SCUBE2: variants seen among roughly 807,000 people sequenced by gnomAD.
SCUBE2 encodes signal peptide, CUB domain and EGF like domain containing 2, also known as signal peptide, CUB and EGF-like domain-containing protein 2.
In SCUBE2, 114 loss-of-function variants were observed where a neutral mutation model predicts 125.9. That is an observed-to-expected ratio of 0.91 (90% confidence interval 0.78 to 1.06). SCUBE2 has a LOEUF of 1.06. Among genes scored for constraint, SCUBE2 ranks in the 50% least tolerant of loss-of-function variants. The pLI, the probability that SCUBE2 is intolerant of heterozygous loss-of-function variation, is 0.00. For missense variants in SCUBE2, 1,255 were observed against 1,301.8 expected, an observed-to-expected ratio of 0.96 and a Z score of 0.55; for synonymous variants, 459 against 492.9, an observed-to-expected ratio of 0.93 and a Z score of 0.91.
chr11:9,046,978 C>T (rs1857845601), intron 16 of SCUBE2, among the ~76,000 whole-genome samples: 1 of 152,214 alleles, frequency 6.6e-6, no homozygotes, highest in Non-Finnish European at 1.5e-5. Context: ...AGGAAAAGGA[C>T]ATCAGTTTAT....
chr11:9,035,971 C>T (rs990390877), intron 16 of SCUBE2, among the ~76,000 whole-genome samples: 1 of 152,188 alleles, frequency 6.6e-6, no homozygotes, highest in African/African-American at 2.4e-5. Flanking sequence ...TCATCGCAAC[C>T]TCCGCCTCCT....
intron 16 of SCUBE2, among the ~76,000 whole-genome samples, chr11:9,040,130 G>A (rs551227576): frequency 2.6e-5 from 4 of 152,292 alleles, no homozygotes; most frequent in East Asian, 1.9e-4. Context: ...ACAGTGGAGC[G>A]GAGGTTTCCC....
Position 9,055,877 on chromosome 11 carries a change from C to T in SCUBE2, c.1123G>A (p.Asp375Asn). 1 of 1,614,124 alleles carries T rather than the reference C, an allele frequency of 6.2e-7. No individual in the cohort carries two copies. Among genetic ancestry groups the T allele is most frequent in the Non-Finnish European group, 8.5e-7 (1 of 1,180,028 alleles). The change falls in exon 10 of 23, where the codon GAC becomes AAC. Residue 375 changes from aspartate (D) to asparagine (N), a missense_variant. Transcript: ENST00000649792. ...CCAGGGTGGTTGATGCAGCTGTGGT[C>T]ACAGGTCCTATCCAAAGAGCACTCA... ...VDECSLDRTC[D>N]HSCINHPGTF... is the part of the protein sequence containing the mutation.
intron 5 of SCUBE2, among the ~76,000 whole-genome samples, chr11:9,069,168 T>A (rs1022704809): frequency 2.6e-5 from 4 of 152,232 alleles, no homozygotes; most frequent in African/African-American, 9.6e-5. Flanking sequence ...GATGAGTTCC[T>A]TTTTAAAATA....
At chr11:9,032,549 C>T (rs1217311768) in intron 17 of SCUBE2, among the ~76,000 whole-genome samples, 1 of 152,192 alleles carries the variant, frequency 6.6e-6, no homozygotes, top group Admixed American at 6.5e-5. Context: ...GCCTGGCCAA[C>T]ATAGCGAAAC....
At chr11:9,029,853 G>A (rs1590002409) in intron 19 of SCUBE2, 31 bp downstream of exon 19, 1 of 1,613,496 alleles carries the variant, frequency 6.2e-7, no homozygotes, top group South Asian at 1.1e-5. Flanking sequence ...TTCTTAGCCA[G>A]AACTATGAAA....
At chr11:9,059,005 AC>A (rs1564827476) in intron 9 of SCUBE2, among the ~76,000 whole-genome samples, 1 of 152,142 alleles carries the variant, frequency 6.6e-6, no homozygotes, top group Non-Finnish European at 1.5e-5. Context: ...CCCCACTGGA[AC>A]CCCATTTGCA....
At chr11:9,090,489 A>ATTTTTTTTT (rs138136231) in intron 1 of SCUBE2, 117 of 141,950 alleles carry the variant, frequency 8.2e-4, no homozygotes, top group African/African-American at 2.7e-3. Context: ...TTATTTATTT[A>ATTTTTTTTT]TTTTTTTTTT....
chr11:9,020,212 C>G lies in SCUBE2; in HGVS notation c.*833G>C, dbSNP rs1855192320. On this transcript the variant is annotated 3_prime_UTR_variant, in exon 23 of 23. Transcript: ENST00000649792. ...GGTTGGTGAAATCGCCTTTTCATGA[C>G]AATTGATGATTCTCATCCACTGAGG... Among the ~76,000 whole-genome samples, 1 of 152,144 alleles carries G rather than the reference C, an allele frequency of 6.6e-6. No homozygotes were observed. Among genetic ancestry groups the G allele is most frequent in the Non-Finnish European group, 1.5e-5 (1 of 68,026 alleles).
Position 9,030,871 on chromosome 11 carries a change from C to T in SCUBE2, c.2228G>A (p.Cys743Tyr), listed in dbSNP as rs1856242803. The T allele has an allele frequency of 6.2e-7, 1 of 1,614,200 alleles. No individual in the cohort carries two copies. The highest frequency in any genetic ancestry group is 8.5e-7 in the Non-Finnish European group (1 of 1,180,024). ...SADGFAPCQL[C>Y]ALGTFQPEAG... ...TTCAGGCTGGAACGTGCCCAGGGCACAGAGCTGGCAAGGTGCAAAGCCATC... is the reference window on the plus strand; with the variant it reads ...TTCAGGCTGGAACGTGCCCAGGGCATAGAGCTGGCAAGGTGCAAAGCCATC... Residue 743 changes from cysteine (C) to tyrosine (Y), a missense_variant, in exon 18 of 23, where the codon TGT (cysteine) becomes TAT (tyrosine). By Grantham distance (194) the Cys-to-Tyr change is radical (BLOSUM62 -2). This residue lies in a region of SCUBE2 where 515 missense variants were observed against 515.7 expected (regional missense o/e 1.00). Transcript: ENST00000649792.
At chr11:9,060,582 C>G in intron 7 of SCUBE2, 58 bp from the exon 8 acceptor site, 1 of 1,448,004 alleles carries the variant, frequency 6.9e-7, no homozygotes, top group Non-Finnish European at 9.6e-7. Flanking sequence ...ATACAGCTGA[C>G]GAAGGTCACA....
At chr11:9,051,338 C>T (rs1454816117) in intron 13 of SCUBE2, among the ~76,000 whole-genome samples, 1 of 152,034 alleles carries the variant, frequency 6.6e-6, no homozygotes, top group Non-Finnish European at 1.5e-5. Context: ...TTTGTGCCTT[C>T]CTGAGAAAAA....
At chr11:9,031,114 G>C in intron 17 of SCUBE2, 189 bp from the exon 18 acceptor site, 1 of 573,686 alleles carries the variant, frequency 1.7e-6, no homozygotes, top group Non-Finnish European at 3.1e-6. Context: ...AGTGCCTGCT[G>C]TTTACACACA....
intron 21 of SCUBE2, among the ~76,000 whole-genome samples, chr11:9,025,026 G>A (rs1354491888): frequency 6.6e-6 from 1 of 152,216 alleles, no homozygotes; most frequent in Non-Finnish European, 1.5e-5. Flanking sequence ...ACAGGACTGT[G>A]TAGTCCTCCA....
chr11:9,070,597 G>C (rs576032331), intron 4 of SCUBE2, among the ~76,000 whole-genome samples: 4 of 152,260 alleles, frequency 2.6e-5, no homozygotes, highest in Admixed American at 2.0e-4. Context: ...TCTAATACTA[G>C]TAGGGCACTG....
At chr11:9,025,084 C>G (rs1855609809) in intron 21 of SCUBE2, among the ~76,000 whole-genome samples, 1 of 152,178 alleles carries the variant, frequency 6.6e-6, no homozygotes, top group Non-Finnish European at 1.5e-5. Context: ...GTTTTCCAAC[C>G]AAGTCTCAGA....
At chr11:9,084,983 G>T (rs1861937900) in intron 2 of SCUBE2, among the ~76,000 whole-genome samples, 1 of 152,164 alleles carries the variant, frequency 6.6e-6, no homozygotes, top group Admixed American at 6.5e-5. Flanking sequence ...CTGGCCTCAT[G>T]TAAGCCTCCC....
rs1267756120 is a variant in SCUBE2 at position 9,079,445 on chromosome 11, G to A, written c.321C>T (p.Gly107=). ...CATCAAAACAAGTGCAACGATAATTGCCTGGAATATTCAAACAGTCATGGA... is the reference window on the plus strand; with the variant it reads ...CATCAAAACAAGTGCAACGATAATTACCTGGAATATTCAAACAGTCATGGA... ...GCVHDCLNIP[G]NYRCTCFDGF... The change falls in exon 3 of 23, where the codon GGC becomes GGT. Residue 107 remains glycine, a synonymous_variant. Transcript: ENST00000649792. The A allele has an allele frequency of 1.9e-6, 3 of 1,613,948 alleles. No homozygotes were observed. Among genetic ancestry groups the A allele is most frequent in the Non-Finnish European group, 2.5e-6 (3 of 1,179,976 alleles).
chr11:9,069,353 C>T lies in SCUBE2; in HGVS notation c.643+17G>A. ...TACGACGGTTCCCATGGCAGGTGTG[C>T]ACTGGCCCATACTTACAGATGCAGT... On this transcript the variant is annotated intron_variant, in intron 5 of 22. Transcript: ENST00000649792. 2 of 1,614,016 alleles carry T rather than the reference C, an allele frequency of 1.2e-6. No individual in the cohort carries two copies. The highest frequency in any genetic ancestry group is 1.3e-5 in the African/African-American group (1 of 75,068).
Sources: gnomAD v4.1 joint callset for allele counts (sites outside exome capture counted in the v4.1 genomes callset) on GRCh38, gnomAD v4.1.1 for gene constraint, gnomAD v4.1.1 regional missense constraint, MANE v1.5 for transcripts, NCBI Gene and HGNC (gene_info 2026-07-23, HGNC 2026-07-21) for gene names.